The following GPR158 variants were observed in gnomAD, a reference collection of about 807,000 sequenced individuals.
The protein encoded by GPR158 is metabotropic glycine receptor.
GPR158 carries 30 observed loss-of-function variants against 78.2 expected under a neutral mutation model. That is an observed-to-expected ratio of 0.38 (90% CI 0.29 to 0.52). The LOEUF (loss-of-function observed/expected upper bound fraction) is 0.52. Ranked by LOEUF, GPR158 falls within the 20% of genes least tolerant of loss-of-function variation. The probability of loss-of-function intolerance (pLI) is 0.83; values close to 1 mark genes in which losing one functional copy is unlikely to be tolerated. For synonymous variants in GPR158, 581 were observed against 591.1 expected (o/e 0.98, Z 0.25); for missense variants, 1,463 against 1,523.5 (o/e 0.96, Z 0.66).
chr10:25,228,365 T>C (rs951819622), intron 2 of GPR158, among the ~76,000 whole-genome samples: 8 of 152,056 alleles, frequency 5.3e-5, no homozygotes, highest in Non-Finnish European at 1.2e-4. Flanking sequence ...TGTACTAGAC[T>C]ACTTATCACA....
At chr10:25,448,239 C>T (rs1049024398) in intron 4 of GPR158, among the ~76,000 whole-genome samples, 3 of 151,932 alleles carry the variant, frequency 2.0e-5, no homozygotes, top group Non-Finnish European at 4.4e-5. Context: ...TGCCCGCCAC[C>T]ACGCCTGGCT....
chr10:25,182,409 A>C (rs571274238), intron 1 of GPR158, among the ~76,000 whole-genome samples: 2 of 152,318 alleles, frequency 1.3e-5, no homozygotes. Context: ...ACCTGTTTTC[A>C]ATTTGCCTCT....
chr10:25,473,384 G>A (rs1167537235), intron 5 of GPR158, among the ~76,000 whole-genome samples: 1 of 152,060 alleles, frequency 6.6e-6, no homozygotes, highest in Admixed American at 6.6e-5. Flanking sequence ...TTTTTGCATT[G>A]ATGTTCATCA....
chr10:25,500,527 AT>A (rs1385936803), intron 5 of GPR158, among the ~76,000 whole-genome samples: 1 of 152,238 alleles, frequency 6.6e-6, no homozygotes, highest in African/African-American at 2.4e-5. Flanking sequence ...CAGGACCCTT[AT>A]TAAGTTACTC....
At chr10:25,516,688 C>A (rs1169880271) in intron 5 of GPR158, among the ~76,000 whole-genome samples, 1 of 109,398 alleles carries the variant, frequency 9.1e-6, no homozygotes, top group Non-Finnish European at 1.8e-5. Context: ...TGTAGGTATG[C>A]GGCGTTATTT....
chr10:25,223,814 A>G (rs1853334850), intron 2 of GPR158, among the ~76,000 whole-genome samples: 1 of 152,178 alleles, frequency 6.6e-6, no homozygotes, highest in South Asian at 2.1e-4. Context: ...CTTGGTTTAC[A>G]GTGGGTTTTA....
chr10:25,580,153 G>A (rs1837169161), intron 7 of GPR158, among the ~76,000 whole-genome samples: 1 of 152,150 alleles, frequency 6.6e-6, no homozygotes, highest in Non-Finnish European at 1.5e-5. Flanking sequence ...TAATTAAACA[G>A]GTATGATAGG....
chr10:25,391,458 A>G (rs1362779489), intron 2 of GPR158, among the ~76,000 whole-genome samples: 1 of 151,754 alleles, frequency 6.6e-6, no homozygotes, highest in Non-Finnish European at 1.5e-5. Context: ...TTGCATCAGC[A>G]TGACCTGGTT....
At chr10:25,382,344 G>A (rs1834166166) in intron 2 of GPR158, among the ~76,000 whole-genome samples, 1 of 152,184 alleles carries the variant, frequency 6.6e-6, no homozygotes, top group Non-Finnish European at 1.5e-5. Context: ...ACCAGATGCT[G>A]TGTTGCTATC....
Position 25,405,707 on chromosome 10 carries a change from T to C in GPR158, c.1112-6543T>C, listed in dbSNP as rs1302306276. On this transcript the variant is annotated intron_variant, in intron 3 of 10. Coordinates refer to ENST00000376351, the MANE Select transcript of GPR158 (RefSeq NM_020752.3). ...CATAGAGAGGGTTCTACTCTTTAAGTGCAGTGGTTTAACTGGAAGAAATTT... is the reference window on the plus strand; with the variant it reads ...CATAGAGAGGGTTCTACTCTTTAAGCGCAGTGGTTTAACTGGAAGAAATTT... Among the ~76,000 whole-genome samples the C allele has an allele frequency of 2.0e-5, 3 of 151,978 alleles. No homozygotes were observed. The East Asian group carries it at 5.8e-4, about 29-fold the overall frequency.
At chr10:25,508,573 C>T (rs78525453) in intron 5 of GPR158, among the ~76,000 whole-genome samples, 2,248 of 152,172 alleles carry the variant, frequency 0.015, 50 homozygotes, top group African/African-American at 0.051. Flanking sequence ...TAGCTTGAGG[C>T]CTGTAGCTGT....
At chr10:25,499,762 A>G (rs1835929990) in intron 5 of GPR158, among the ~76,000 whole-genome samples, 1 of 152,198 alleles carries the variant, frequency 6.6e-6, no homozygotes, top group African/African-American at 2.4e-5. Context: ...ACCCACAACA[A>G]CAGCACTCCA....
intron 5 of GPR158, among the ~76,000 whole-genome samples, chr10:25,494,268 G>A (rs1835848780): frequency 6.6e-6 from 1 of 152,154 alleles, no homozygotes; most frequent in African/African-American, 2.4e-5. Context: ...AATATGCAAA[G>A]AGAATTTACC....
At chr10:25,286,808 C>G (rs1011910226) in intron 2 of GPR158, among the ~76,000 whole-genome samples, 7 of 152,058 alleles carry the variant, frequency 4.6e-5, no homozygotes, top group Admixed American at 3.9e-4. Flanking sequence ...TGGTTACCCT[C>G]ATTGTACCAC....
At chr10:25,228,879 CA>C (rs910228043) in intron 2 of GPR158, among the ~76,000 whole-genome samples, 1 of 151,580 alleles carries the variant, frequency 6.6e-6, no homozygotes, top group Non-Finnish European at 1.5e-5. Flanking sequence ...AAAAAAAATA[CA>C]AAAAATTATT....
chr10:25,588,571 A>T (rs1016099899), intron 7 of GPR158, among the ~76,000 whole-genome samples: 2 of 152,230 alleles, frequency 1.3e-5, no homozygotes, highest in Admixed American at 1.3e-4. Flanking sequence ...GGCTTAGTGC[A>T]GTTAGAACTT....
At chr10:25,241,943 G>A (rs1277429768) in intron 2 of GPR158, among the ~76,000 whole-genome samples, 1 of 152,144 alleles carries the variant, frequency 6.6e-6, no homozygotes, top group African/African-American at 2.4e-5. Flanking sequence ...AAAGTCTCTT[G>A]TACTTCATAA....
intron 4 of GPR158, among the ~76,000 whole-genome samples, chr10:25,460,194 CTTTTT>C (rs778099736): frequency 7.0e-6 from 1 of 143,460 alleles, no homozygotes; most frequent in African/African-American, 2.5e-5. Context: ...CAGAGATTTT[CTTTTT>C]TTTTTTTTCC....
intron 2 of GPR158, among the ~76,000 whole-genome samples, chr10:25,372,454 A>G (rs1446131322): frequency 6.9e-6 from 1 of 144,784 alleles, no homozygotes; most frequent in Non-Finnish European, 1.5e-5. Flanking sequence ...ACTTGGAACC[A>G]ACCCAAATGT....
Sources: allele counts gnomAD v4.1 joint callset (sites outside exome capture counted in the v4.1 genomes callset), GRCh38; gene constraint gnomAD v4.1.1; transcripts MANE v1.5; gene names NCBI Gene and HGNC (gene_info 2026-07-23, HGNC 2026-07-21).